The following CORIN variants were observed in gnomAD, a reference collection of about 807,000 sequenced individuals.
The protein encoded by CORIN is corin, serine peptidase.
CORIN carries 117 observed loss-of-function variants against 125.3 expected under a neutral mutation model. The ratio of observed to expected loss-of-function variants is 0.93; its 90% CI spans 0.80 to 1.09. The LOEUF is 1.09. CORIN is among the 50% of genes least tolerant of loss of function. The probability of loss-of-function intolerance (pLI) is 0.00; values close to 1 mark genes in which losing one functional copy is unlikely to be tolerated. For missense variants in CORIN, 1,253 were observed against 1,306.7 expected, an observed-to-expected ratio of 0.96 and a Z score of 0.63; for synonymous variants, 450 against 466.4, an observed-to-expected ratio of 0.96 and a Z score of 0.45.
intron 5 of CORIN, among the ~76,000 whole-genome samples, chr4:47,741,087 A>C (rs1424979298): frequency 6.6e-6 from 1 of 151,992 alleles, no homozygotes; most frequent in Non-Finnish European, 1.5e-5. Context: ...CAACAAAAGA[A>C]AAGACAGATA....
At chr4:47,777,578 C>G (rs61764280) in intron 3 of CORIN, among the ~76,000 whole-genome samples, 2,076 of 152,270 alleles carry the variant, frequency 0.014, 53 homozygotes, top group African/African-American at 0.047. Flanking sequence ...TTGCAGTGTG[C>G]CAAGATCGCG....
intron 5 of CORIN, among the ~76,000 whole-genome samples, chr4:47,726,667 A>C (rs946340552): frequency 1.2e-4 from 19 of 152,102 alleles, no homozygotes; most frequent in African/African-American, 4.6e-4. Flanking sequence ...CTATATATAC[A>C]CACACATACA....
intron 2 of CORIN, among the ~76,000 whole-genome samples, chr4:47,802,488 G>A (rs766445864): frequency 6.6e-6 from 1 of 152,172 alleles, no homozygotes; most frequent in Non-Finnish European, 1.5e-5. Context: ...GCCCCCATGG[G>A]TTGGTGGTTG....
At chr4:47,721,019 C>A (rs1727319024) in intron 5 of CORIN, among the ~76,000 whole-genome samples, 1 of 152,142 alleles carries the variant, frequency 6.6e-6, no homozygotes, top group Non-Finnish European at 1.5e-5. Flanking sequence ...AACAGACTAC[C>A]ACAGATGGGG....
chr4:47,600,305 A>C lies in CORIN; in HGVS notation c.2855T>G (p.Leu952Arg). ...GTCAAAGTAGGACTGACAATGTTCC[A>C]GAGAAATAATGCGGACCTCTCCCTC... ...LQEGEVRIIS[L>R]EHCQSYFDMK... Residue 952 changes from leucine to arginine, a missense_variant, in exon 21 of 22, where the codon CTG becomes CGG. Physicochemically the swap from Leu to Arg is moderately radical, Grantham distance 102. Coordinates refer to ENST00000273857, the MANE Select transcript of CORIN (RefSeq NM_006587.4). The C allele has an allele frequency of 5.0e-6, 8 of 1,613,692 alleles. No individual in the cohort carries two copies. The highest frequency in any genetic ancestry group is 6.8e-6 in the Non-Finnish European group (8 of 1,179,736).
chr4:47,680,510 GTTC>G (rs1373537214), intron 7 of CORIN: 5 of 347,618 alleles, frequency 1.4e-5, no homozygotes, highest in Non-Finnish European at 2.6e-5. Context: ...CCCGTAGTTT[GTTC>G]TTATTGTTGT....
intron 2 of CORIN, among the ~76,000 whole-genome samples, chr4:47,787,993 A>G (rs942159461): frequency 1.3e-5 from 2 of 152,226 alleles, no homozygotes; most frequent in Non-Finnish European, 2.9e-5. Flanking sequence ...ATTGAAAACC[A>G]CCTTGCTTTG....
intron 1 of CORIN, among the ~76,000 whole-genome samples, chr4:47,822,841 G>T (rs780342159): frequency 4.7e-5 from 7 of 150,524 alleles, no homozygotes; most frequent in Non-Finnish European, 8.9e-5. Flanking sequence ...TTTTGAGAGG[G>T]AGTCTCGCTC....
intron 1 of CORIN, among the ~76,000 whole-genome samples, chr4:47,823,429 G>T (rs958317449): frequency 7.9e-5 from 12 of 152,156 alleles, no homozygotes; most frequent in Admixed American, 4.6e-4. Flanking sequence ...AGATCTGAGG[G>T]CCCCTTGGTA....
intron 1 of CORIN, among the ~76,000 whole-genome samples, chr4:47,829,154 T>C (rs1732865719): frequency 1.5e-5 from 1 of 68,868 alleles, no homozygotes; most frequent in African/African-American, 7.0e-5. Context: ...CGAGACTCCG[T>C]CTCAAAAAAA....
At chr4:47,743,101 G>A (rs1728488097) in intron 5 of CORIN, among the ~76,000 whole-genome samples, 1 of 151,772 alleles carries the variant, frequency 6.6e-6, no homozygotes, top group South Asian at 2.1e-4. Context: ...AATTATAGTA[G>A]ATGTAAAACT....
At chr4:47,618,140 G>A (rs1722141033) in intron 19 of CORIN, among the ~76,000 whole-genome samples, 1 of 151,382 alleles carries the variant, frequency 6.6e-6, no homozygotes, top group Non-Finnish European at 1.5e-5. Flanking sequence ...TTCGAGACCA[G>A]CCTGACCAAC....
intron 1 of CORIN, among the ~76,000 whole-genome samples, chr4:47,811,666 A>G (rs1732069634): frequency 6.6e-6 from 1 of 152,296 alleles, no homozygotes. Context: ...CGCCCAGCCG[A>G]GGATTATTTT....
intron 5 of CORIN, among the ~76,000 whole-genome samples, chr4:47,725,043 T>G (rs914435245): frequency 3.3e-5 from 5 of 152,238 alleles, no homozygotes; most frequent in African/African-American, 1.2e-4. Context: ...ATTAGTACCT[T>G]TTACAATAGC....
intron 5 of CORIN, among the ~76,000 whole-genome samples, chr4:47,717,781 C>T (rs565191321): frequency 2.6e-5 from 4 of 151,714 alleles, no homozygotes; most frequent in African/African-American, 4.8e-5. Context: ...ATTTAAAGAC[C>T]GAAAAAAAGA....
rs148330277 is a variant in CORIN, at chr4:47,699,018, G to A, written c.800-5935C>T. On this transcript the variant is annotated intron_variant, in intron 5 of 21. Coordinates refer to ENST00000273857, the MANE Select transcript of CORIN (RefSeq NM_006587.4). ...TAGGTTCGTGTAAGTACACTCTGAT[G>A]TTTGCACATGATGAAATCACCTACC... Among the ~76,000 whole-genome samples, 184 of 152,304 alleles carry A rather than the reference G, an allele frequency of 1.2e-3. No homozygotes were observed. In the Middle Eastern group the frequency reaches 0.014, roughly 11 times the overall value.
intron 2 of CORIN, among the ~76,000 whole-genome samples, chr4:47,792,692 G>A (rs1047058358): frequency 1.3e-5 from 2 of 152,186 alleles, no homozygotes; most frequent in African/African-American, 2.4e-5. Flanking sequence ...CCTCTTGAGT[G>A]AGGCCTTGCT....
intron 8 of CORIN, chr4:47,679,889 G>C (rs967078457): frequency 2.9e-6 from 1 of 348,222 alleles, no homozygotes; most frequent in Admixed American, 4.6e-5. Context: ...AGAGAAAACA[G>C]ACACCCACTT....
intron 14 of CORIN, among the ~76,000 whole-genome samples, chr4:47,644,147 A>C (rs552995338): frequency 3.7e-4 from 57 of 152,116 alleles, no homozygotes; most frequent in African/African-American, 1.3e-3. Context: ...CTACACAAAG[A>C]CTCCTGACGG....
Sources: allele counts gnomAD v4.1 joint callset (sites outside exome capture counted in the v4.1 genomes callset), GRCh38; gene constraint gnomAD v4.1.1; transcripts MANE v1.5; gene names NCBI Gene and HGNC (gene_info 2026-07-23, HGNC 2026-07-21).